Variants in RRM2B observed in about 807,000 individuals in gnomAD.
RRM2B encodes the protein ribonucleoside-diphosphate reductase subunit M2 B.
A neutral mutation model predicts 45.9 loss-of-function variants in RRM2B; 20 were observed. The ratio of observed to expected loss-of-function variants is 0.44; its 90% CI spans 0.31 to 0.63. RRM2B has a LOEUF of 0.63. Among genes scored for constraint, RRM2B ranks in the 30% least tolerant of loss-of-function variants. RRM2B has a pLI of 0.09. For synonymous variants in RRM2B, 124 were observed against 132.3 expected (o/e 0.94, Z 0.43); for missense variants, 320 against 414.7 (o/e 0.77, Z 1.98).
At position 102,225,021 on chromosome 8, in the gene RRM2B, A is replaced by G. The variant is rs1453958549; in HGVS notation, c.322-3T>C. Reference sequence around the variant, plus strand: ...ACCTCCTGACTAAAGCGCTCCACCTAAGAAGATAAGGAAAATAGATATATC... The same window carrying G: ...ACCTCCTGACTAAAGCGCTCCACCTGAGAAGATAAGGAAAATAGATATATC... On this transcript the variant is annotated splice_region_variant and splice_polypyrimidine_tract_variant and intron_variant, in intron 3 of 8. Coordinates refer to ENST00000251810, the MANE Select transcript of RRM2B (RefSeq NM_015713.5). 14 of 1,613,826 alleles carry G rather than the reference A, an allele frequency of 8.7e-6. No homozygotes were observed. Among genetic ancestry groups the G allele is most frequent in the Non-Finnish European group, 1.1e-5 (13 of 1,179,912 alleles).
chr8:102,226,746 G>A (rs922374527), intron 2 of RRM2B, among the ~76,000 whole-genome samples: 9 of 152,092 alleles, frequency 5.9e-5, no homozygotes, highest in Non-Finnish European at 1.2e-4. Context: ...ATGAAGTCTC[G>A]CTCTGTCGCC....
chr8:102,205,836 G>C lies in RRM2B; in HGVS notation c.*2297C>G, dbSNP rs1200726941. On this transcript the variant is annotated 3_prime_UTR_variant, in exon 9 of 9. Coordinates refer to ENST00000251810, the MANE Select transcript of RRM2B (RefSeq NM_015713.5). ...ACCTGGAGGCCTGGAAAAAGAGATAGAATACCAAATAACAAACCAGTGCAT... is the reference window on the plus strand; with the variant it reads ...ACCTGGAGGCCTGGAAAAAGAGATACAATACCAAATAACAAACCAGTGCAT... 1 of 152,018 alleles carries C rather than the reference G, an allele frequency of 6.6e-6. No homozygotes were observed. The highest frequency in any genetic ancestry group is 1.5e-5 in the Non-Finnish European group (1 of 67,940). The allele number at this position is 152,018 out of a possible 1,614,324, so 9.4% of individuals were successfully genotyped here. A position where few individuals can be genotyped will look rare whatever the true frequency, so the allele number is the denominator to read the frequency against.
At chr8:102,235,452 C>T (rs746550730) in intron 1 of RRM2B, among the ~76,000 whole-genome samples, 21 of 152,116 alleles carry the variant, frequency 1.4e-4, no homozygotes, top group Admixed American at 6.5e-4. Context: ...AGATGTTTAA[C>T]GGAAGTTTAA....
rs29000282 is a variant in RRM2B at position 102,210,274 on chromosome 8, G to A, written c.904-1989C>T. Among the ~76,000 whole-genome samples the A allele has an allele frequency of 9.5e-3, 1,440 of 152,286 alleles. 14 individuals carry two copies. The highest frequency in any genetic ancestry group is 0.031 in the African/African-American group (1,305 of 41,544). Reference sequence around the variant, plus strand: ...TATGAAATTCTCCATCAGAAATTGTGTGTAAAAAGTGAGGGAATATTGGAG... The same window carrying A: ...TATGAAATTCTCCATCAGAAATTGTATGTAAAAAGTGAGGGAATATTGGAG... On this transcript the variant is annotated intron_variant, in intron 8 of 8. Coordinates refer to ENST00000251810, the MANE Select transcript of RRM2B (RefSeq NM_015713.5).
chr8:102,232,434 A>C (rs1346679164), intron 1 of RRM2B, 130 bp from the exon 2 acceptor site: 1 of 869,092 alleles, frequency 1.2e-6, no homozygotes, highest in African/African-American at 1.7e-5. Context: ...TTGAATCCTT[A>C]CTGTTACCTG....
intron 3 of RRM2B, among the ~76,000 whole-genome samples, chr8:102,225,240 T>C (rs1810910242): frequency 7.0e-6 from 1 of 143,406 alleles, no homozygotes. Flanking sequence ...TTTTTTTTTT[T>C]TTTTTTTTTT....
At chr8:102,235,695 C>G (rs1052279341) in intron 1 of RRM2B, among the ~76,000 whole-genome samples, 7 of 152,066 alleles carry the variant, frequency 4.6e-5, no homozygotes, top group Non-Finnish European at 1.0e-4. Context: ...AAAAATTAGC[C>G]GGGCGTGGTG....
At chr8:102,214,321 C>A in intron 6 of RRM2B, 163 bp from the exon 7 acceptor site, 1 of 650,166 alleles carries the variant, frequency 1.5e-6, no homozygotes, top group Non-Finnish European at 2.8e-6. Context: ...TTTCAAATCT[C>A]ATTAAATGCC....
intron 1 of RRM2B, among the ~76,000 whole-genome samples, chr8:102,237,885 T>C (rs1309938741): frequency 6.6e-6 from 1 of 152,244 alleles, no homozygotes; most frequent in African/African-American, 2.4e-5. Flanking sequence ...TAAAGAAATG[T>C]AGGGCCAAGC....
Position 102,221,941 on chromosome 8 carries a change from TG to T in RRM2B, c.550+2104del, listed in dbSNP as rs1810844028. On this transcript the variant is annotated intron_variant, in intron 5 of 8. Transcript: ENST00000251810. ...TGAAGCTCCTTGTGAGGGAATCAGC[TG>T]AATACAAAATGCAGATTCCTCAGTC... is the stretch of plus-strand genomic sequence containing the variant. Among the ~76,000 whole-genome samples the T allele has an allele frequency of 2.0e-5, 3 of 152,344 alleles. No homozygotes were observed. The South Asian group carries it at 6.2e-4, about 32-fold the overall frequency.
At chr8:102,215,415 A>AC in intron 6 of RRM2B, among the ~76,000 whole-genome samples, 1 of 151,960 alleles carries the variant, frequency 6.6e-6, no homozygotes, top group East Asian at 1.9e-4. Context: ...CAAAAAAAAA[A>AC]AAGGAAGAAA....
chr8:102,223,327 T>A (rs1390653345), intron 5 of RRM2B, among the ~76,000 whole-genome samples: 1 of 152,212 alleles, frequency 6.6e-6, no homozygotes, highest in Non-Finnish European at 1.5e-5. Context: ...CCTAGTTGAT[T>A]ACACTAATCT....
At chr8:102,229,103 A>ACC in intron 2 of RRM2B, among the ~76,000 whole-genome samples, 1 of 152,186 alleles carries the variant, frequency 6.6e-6, no homozygotes, top group East Asian at 1.9e-4. Context: ...AAAATACAAA[A>ACC]TTAGCTAGGC....
At chr8:102,214,820 A>G (rs996231670) in intron 6 of RRM2B, among the ~76,000 whole-genome samples, 7 of 150,680 alleles carry the variant, frequency 4.6e-5, no homozygotes, top group African/African-American at 1.7e-4. Flanking sequence ...CAATAAATAA[A>G]TAAGAAAATG....
chr8:102,225,487 C>T (rs367587450), intron 3 of RRM2B, among the ~76,000 whole-genome samples: 1 of 152,098 alleles, frequency 6.6e-6, no homozygotes, highest in South Asian at 2.1e-4. Context: ...CCACCTCAGC[C>T]TCCCAAAGTG....
At chr8:102,223,506 A>T (rs1250245138) in intron 5 of RRM2B, among the ~76,000 whole-genome samples, 2 of 152,110 alleles carry the variant, frequency 1.3e-5, no homozygotes, top group Non-Finnish European at 2.9e-5. Context: ...TAGTCTGGCC[A>T]ACATGGCAAA....
At chr8:102,232,105 C>G in intron 2 of RRM2B, 44 bp downstream of exon 2, 1 of 1,559,722 alleles carries the variant, frequency 6.4e-7, no homozygotes, top group Non-Finnish European at 8.8e-7. Context: ...AGAAGGAACA[C>G]TGCACTATAG....
chr8:102,213,001 G>A (rs1252349597), intron 7 of RRM2B, 112 bp from the exon 8 acceptor site: 11 of 699,308 alleles, frequency 1.6e-5, no homozygotes, highest in Non-Finnish European at 2.9e-5. Context: ...TCCAAGGAAA[G>A]TATATTAGGA....
rs1161950297 is a variant in RRM2B at position 102,206,505 on chromosome 8, G to C, written c.*1628C>G. On this transcript the variant is annotated 3_prime_UTR_variant, in exon 9 of 9. Coordinates refer to ENST00000251810, the MANE Select transcript of RRM2B (RefSeq NM_015713.5). The stretch of plus-strand genomic sequence containing the variant: ...GCCTGCTCCTTTTGCATTCACTTGA[G>C]AACTCCCAGTTTTGATTAGATTGTT... 1 of 152,116 alleles carries C rather than the reference G, an allele frequency of 6.6e-6. No homozygotes were observed. The highest frequency in any genetic ancestry group is 6.5e-5 in the Admixed American group (1 of 15,270). 9.4% of individuals were successfully genotyped at this position (152,116 alleles called of 1,614,324 possible). A position where few individuals can be genotyped will look rare whatever the true frequency, so the allele number is the denominator to read the frequency against.
Sources: allele counts gnomAD v4.1 joint callset (sites outside exome capture counted in the v4.1 genomes callset), GRCh38; gene constraint gnomAD v4.1.1; transcripts MANE v1.5; gene names NCBI Gene and HGNC (gene_info 2026-07-23, HGNC 2026-07-21).